ETV1: variants seen among roughly 807,000 people sequenced by gnomAD.
The protein encoded by ETV1 is ETS translocation variant 1.
ETV1 carries 27 observed loss-of-function variants against 62.3 expected under a neutral mutation model. The ratio of observed to expected loss-of-function variants is 0.43; its 90% CI spans 0.32 to 0.60. ETV1 has a LOEUF of 0.60. Ranked by LOEUF, ETV1 falls within the 20% of genes least tolerant of loss-of-function variation. ETV1 has a pLI of 0.06. For synonymous variants in ETV1, 222 were observed against 199.6 expected, an observed-to-expected ratio of 1.11 and a Z score of -0.94; for missense variants, 605 against 605.8, an observed-to-expected ratio of 1.00 and a Z score of 0.01.
At chr7:13,969,427 A>C (rs919618025) in intron 6 of ETV1, among the ~76,000 whole-genome samples, 2 of 152,234 alleles carry the variant, frequency 1.3e-5, no homozygotes, top group African/African-American at 4.8e-5. Context: ...CCTCTATCAC[A>C]TAACAAATTT....
At chr7:13,896,732 A>AGG (rs1562577816) in intron 13 of ETV1, among the ~76,000 whole-genome samples, 2 of 57,946 alleles carry the variant, frequency 3.5e-5, no homozygotes, top group African/African-American at 7.8e-5. Flanking sequence ...AGAAAAAGAA[A>AGG]AAGAAAGAAA....
At chr7:13,961,908 G>C (rs180977602) in intron 6 of ETV1, among the ~76,000 whole-genome samples, 27 of 152,170 alleles carry the variant, frequency 1.8e-4, no homozygotes, top group African/African-American at 6.0e-4. Flanking sequence ...ACAGCAAAAG[G>C]TCAAGTTGTT....
chr7:13,919,805 T>G (rs896268586), intron 9 of ETV1, among the ~76,000 whole-genome samples: 3 of 152,094 alleles, frequency 2.0e-5, no homozygotes, highest in African/African-American at 7.2e-5. Context: ...GATACTTAGT[T>G]ATGTAAACAC....
At chr7:13,938,484 T>C (rs1394656870) in intron 7 of ETV1, among the ~76,000 whole-genome samples, 1 of 152,234 alleles carries the variant, frequency 6.6e-6, no homozygotes, top group East Asian at 1.9e-4. Flanking sequence ...GCCAACTTTT[T>C]CTTTATGCAA....
intron 9 of ETV1, 112 bp downstream of exon 9, chr7:13,931,390 G>C: frequency 8.7e-7 from 1 of 1,150,428 alleles, no homozygotes; most frequent in South Asian, 1.5e-5. Flanking sequence ...AAATCTGAAA[G>C]ATCTTATTAA....
intron 8 of ETV1, among the ~76,000 whole-genome samples, chr7:13,934,683 CATTT>C (rs1786586197): frequency 2.0e-5 from 3 of 152,198 alleles, no homozygotes; most frequent in African/African-American, 7.2e-5. Context: ...TATCTTACTA[CATTT>C]CATTACCAAT....
chr7:13,962,495 T>C (rs187225192), intron 6 of ETV1, among the ~76,000 whole-genome samples: 5 of 152,216 alleles, frequency 3.3e-5, no homozygotes, highest in Admixed American at 3.3e-4. Context: ...AAAAAAGTAG[T>C]ATCAGACAAG....
intron 7 of ETV1, among the ~76,000 whole-genome samples, chr7:13,936,113 A>G (rs895190320): frequency 2.0e-5 from 3 of 152,240 alleles, no homozygotes; most frequent in African/African-American, 7.2e-5. Context: ...ACCTTGTAAC[A>G]GAACAAATAT....
At chr7:13,928,559 AGCCGAGATCGT>A (rs1456292070) in intron 9 of ETV1, among the ~76,000 whole-genome samples, 1 of 152,112 alleles carries the variant, frequency 6.6e-6, no homozygotes, top group East Asian at 1.9e-4. Context: ...GGTTGCGGTG[AGCCGAGATCGT>A]GCCACTGCAC....
intron 6 of ETV1, among the ~76,000 whole-genome samples, chr7:13,952,966 C>G (rs1444219511): frequency 6.6e-6 from 1 of 152,138 alleles, no homozygotes; most frequent in African/African-American, 2.4e-5. Flanking sequence ...TGGGAGGAAA[C>G]TGGTTCTTCC....
intron 6 of ETV1, among the ~76,000 whole-genome samples, chr7:13,947,450 T>G (rs992420280): frequency 1.3e-5 from 2 of 150,452 alleles, no homozygotes; most frequent in Non-Finnish European, 3.0e-5. Flanking sequence ...TTCAAAGAAT[T>G]GTCCCATACT....
At chr7:13,917,347 C>T (rs1306314949) in intron 9 of ETV1, among the ~76,000 whole-genome samples, 1 of 150,878 alleles carries the variant, frequency 6.6e-6, no homozygotes, top group Non-Finnish European at 1.5e-5. Context: ...GACGGAGTTT[C>T]GCTCTTGTTG....
intron 9 of ETV1, among the ~76,000 whole-genome samples, chr7:13,912,040 C>T (rs1301940519): frequency 1.3e-5 from 2 of 152,186 alleles, no homozygotes; most frequent in Non-Finnish European, 2.9e-5. Flanking sequence ...CTGCCATCAG[C>T]TCAGCAGCTG....
At chr7:13,915,080 A>G (rs145514393) in intron 9 of ETV1, among the ~76,000 whole-genome samples, 1 of 152,348 alleles carries the variant, frequency 6.6e-6, no homozygotes, top group African/African-American at 2.4e-5. Context: ...AATCTCTTAG[A>G]GGAAATGAGA....
At chr7:13,985,988 C>A in intron 5 of ETV1, 1 of 732,914 alleles carries the variant, frequency 1.4e-6, no homozygotes, top group East Asian at 2.8e-5. Context: ...CCTAATAAAA[C>A]TGACAAAATA....
At chr7:13,900,948 G>C (rs1334959590) in intron 12 of ETV1, 109 bp from the exon 13 acceptor site, 1 of 657,782 alleles carries the variant, frequency 1.5e-6, no homozygotes, top group African/African-American at 1.9e-5. Flanking sequence ...TCCAACTCAA[G>C]GATATAAGTA....
At chr7:13,899,072 G>A (rs1445758629) in intron 13 of ETV1, among the ~76,000 whole-genome samples, 1 of 152,188 alleles carries the variant, frequency 6.6e-6, no homozygotes, top group Non-Finnish European at 1.5e-5. Flanking sequence ...AATCTGGTGA[G>A]AGGCTAGCAT....
intron 6 of ETV1, among the ~76,000 whole-genome samples, chr7:13,946,467 C>A (rs546979999): frequency 6.6e-6 from 1 of 152,200 alleles, no homozygotes; most frequent in South Asian, 2.1e-4. Context: ...TTAACCACTT[C>A]TTAATTCAGA....
intron 6 of ETV1, among the ~76,000 whole-genome samples, chr7:13,974,424 A>G (rs1180232206): frequency 6.6e-6 from 1 of 152,108 alleles, no homozygotes; most frequent in Non-Finnish European, 1.5e-5. Flanking sequence ...AAGAAATAGG[A>G]CTCTGTCCTG....
Sources: gnomAD v4.1 joint callset for allele counts (sites outside exome capture counted in the v4.1 genomes callset) on GRCh38, gnomAD v4.1.1 for gene constraint, MANE v1.5 for transcripts, NCBI Gene and HGNC (gene_info 2026-07-23, HGNC 2026-07-21) for gene names.